Variants in CELF2 observed in about 807,000 individuals in gnomAD.
CELF2 encodes the protein CUGBP Elav-like family member 2.
A neutral mutation model predicts 62.6 loss-of-function variants in CELF2; 8 were observed. The ratio of observed to expected loss-of-function variants is 0.13; its 90% CI spans 0.07 to 0.23. The LOEUF is 0.23. CELF2 is among the 10% of genes least tolerant of loss of function. CELF2 has a pLI of 1.00. For missense variants in CELF2, 333 were observed against 671.0 expected (o/e 0.50, Z 5.56); for synonymous variants, 258 against 250.0 (o/e 1.03, Z -0.30).
Position 11,161,372 on chromosome 10 carries a change from G to A in CELF2, c.75-4114G>A, listed in dbSNP as rs539195906. 2.0e-5 allele frequency among the ~76,000 whole-genome samples: 3 copies of A among 152,332 alleles called. No individual in the cohort carries two copies. In the East Asian group the frequency reaches 5.8e-4, roughly 29 times the overall value. On this transcript the variant is annotated intron_variant, in intron 1 of 12. Coordinates refer to ENST00000633077, the MANE Select transcript of CELF2 (RefSeq NM_001326342.2). ...TTGCAGGCAAGGTGCCAGCAGAGAT[G>A]TGTGCGCATGTGTCTGGGGCCTGCG...
Position 11,117,521 on chromosome 10 carries a change from A to G in CELF2, c.75-47965A>G, listed in dbSNP as rs765556033. Among the ~76,000 whole-genome samples, 2 of 152,188 alleles carry G rather than the reference A, an allele frequency of 1.3e-5. No homozygotes were observed. The highest frequency in any genetic ancestry group is 2.9e-5 in the Non-Finnish European group (2 of 68,042). ...CTCTAGAGGCCACTCCTTTAGACCT[A>G]GGTCCATCTTGAGGTGTTGTTATAC... On this transcript the variant is annotated intron_variant, in intron 1 of 12. Coordinates refer to ENST00000633077, the MANE Select transcript of CELF2 (RefSeq NM_001326342.2). The surrounding 1 kb of genome is among the most constrained non-coding windows in gnomAD (Gnocchi z 4.1).
intron 1 of CELF2, among the ~76,000 whole-genome samples, chr10:11,162,156 G>A (rs541641216): frequency 6.6e-6 from 1 of 152,266 alleles, no homozygotes; most frequent in East Asian, 1.9e-4. Flanking sequence ...CATTTCAGCA[G>A]TGCCAGGAGA....
chr10:10,617,483 C>G, the CELF2 span, among the ~76,000 whole-genome samples: 4 of 152,118 alleles, frequency 2.6e-5, no homozygotes, highest in Admixed American at 2.6e-4. Context: ...AAGGATCCTT[C>G]AAGCTGGATT....
chr10:11,326,467 A>G lies in CELF2; in HGVS notation c.1438+488A>G, dbSNP rs748816407. Among the ~76,000 whole-genome samples, 82 of 152,332 alleles carry G rather than the reference A, an allele frequency of 5.4e-4. No individual in the cohort carries two copies. In the Middle Eastern group the frequency reaches 0.01, roughly 19 times the overall value. ...TCACGGTTACATAGCACGCTGCATG[A>G]TGAGATCTGAAGGGCCACCATCGGG... On this transcript the variant is annotated intron_variant, in intron 12 of 12. Coordinates refer to ENST00000633077, the MANE Select transcript of CELF2 (RefSeq NM_001326342.2).
the CELF2 span, among the ~76,000 whole-genome samples, chr10:10,713,564 C>T: frequency 7.2e-5 from 11 of 152,172 alleles, no homozygotes; most frequent in Admixed American, 2.0e-4. Context: ...TACGACCCTT[C>T]GGTGATTTTG....
the CELF2 span, among the ~76,000 whole-genome samples, chr10:10,612,504 T>G: frequency 1.3e-5 from 2 of 152,178 alleles, no homozygotes; most frequent in African/African-American, 4.8e-5. Context: ...TGAACCATTC[T>G]GATTAGCAGA....
chr10:11,185,484 G>A (rs528631790), intron 2 of CELF2, among the ~76,000 whole-genome samples: 14 of 152,052 alleles, frequency 9.2e-5, no homozygotes, highest in East Asian at 1.9e-4. Context: ...GCACGATCTC[G>A]GCTCCCCGCA....
chr10:10,599,725 C>CTTTTTT, the CELF2 span, among the ~76,000 whole-genome samples: 294 of 134,544 alleles, frequency 2.2e-3, 2 homozygotes, highest in African/African-American at 3.8e-3. Context: ...TTCTTTCTTT[C>CTTTTTT]TTTTTTTTTT....
intron 1 of CELF2, chr10:11,071,483 ACTTAT>A (rs1323788525): frequency 4.6e-5 from 7 of 152,304 alleles, no homozygotes; most frequent in African/African-American, 1.7e-4. Context: ...ACATTTCCTG[ACTTAT>A]CTTCGACACA....
chr10:10,619,084 T>C, the CELF2 span, among the ~76,000 whole-genome samples: 1 of 152,214 alleles, frequency 6.6e-6, no homozygotes, highest in Non-Finnish European at 1.5e-5. Flanking sequence ...GGAACTTCCA[T>C]GTTGAACATG....
the CELF2 span, among the ~76,000 whole-genome samples, chr10:10,488,770 G>A: frequency 3.0e-4 from 46 of 151,972 alleles, no homozygotes; most frequent in Non-Finnish European, 6.0e-4. Flanking sequence ...ATTTGACATA[G>A]CAAATTAACG....
the CELF2 span, among the ~76,000 whole-genome samples, chr10:10,556,710 T>C: frequency 6.6e-6 from 1 of 152,070 alleles, no homozygotes; most frequent in African/African-American, 2.4e-5. Context: ...TCCTGACTTT[T>C]TAATGATTGC....
the CELF2 span, among the ~76,000 whole-genome samples, chr10:10,481,168 T>A: frequency 2.6e-5 from 4 of 152,196 alleles, no homozygotes; most frequent in African/African-American, 9.6e-5. Context: ...TGTATCCTTA[T>A]AGAGACTTTC....
chr10:10,775,613 CA>C, the CELF2 span, among the ~76,000 whole-genome samples: 17,336 of 136,560 alleles, frequency 0.13, 1,187 homozygotes, highest in East Asian at 0.21. Flanking sequence ...GACTCTGTCT[CA>C]AAAAAAAAAA....
At chr10:10,991,874 C>G (rs745772126) in intron 2 of CELF2, among the ~76,000 whole-genome samples, 30 of 152,200 alleles carry the variant, frequency 2.0e-4, no homozygotes, top group Non-Finnish European at 2.5e-4. Context: ...CCATCCTACA[C>G]TCATCTATCA....
In CELF2 at chr10:11,075,998, A is replaced by G. The variant is rs1239606793; in HGVS notation, c.74+57835A>G. Among the ~76,000 whole-genome samples, 8 of 152,062 alleles carry G rather than the reference A, an allele frequency of 5.3e-5. No individual in the cohort carries two copies. The highest frequency in any genetic ancestry group is 1.0e-4 in the Non-Finnish European group (7 of 68,020). On this transcript the variant is annotated intron_variant, in intron 1 of 12. Transcript: ENST00000633077. The surrounding 1 kb of genome is among the most constrained non-coding windows in gnomAD (Gnocchi z 5.4). ...TATCAGCATACTTTTTTAGTGTGAG[A>G]AAATACCAATTAAGAACATTAGTTT... is the stretch of plus-strand genomic sequence containing the variant.
chr10:11,135,287 G>A (rs114238563), intron 1 of CELF2, among the ~76,000 whole-genome samples: 2,504 of 152,260 alleles, frequency 0.016, 63 homozygotes, highest in African/African-American at 0.057. Flanking sequence ...TATATGCAGC[G>A]TCTATATTAA....
At chr10:11,019,606 G>T (rs1035439567) in intron 1 of CELF2, among the ~76,000 whole-genome samples, 2 of 152,132 alleles carry the variant, frequency 1.3e-5, no homozygotes, top group Admixed American at 6.5e-5. Flanking sequence ...AAAAAGGAGG[G>T]GGGTGGAGGA....
At chr10:11,124,426 A>G (rs906217128) in intron 1 of CELF2, among the ~76,000 whole-genome samples, 1 of 152,176 alleles carries the variant, frequency 6.6e-6, no homozygotes, top group Non-Finnish European at 1.5e-5. Flanking sequence ...TGGAAATGGG[A>G]TGGGATAAAG....
Sources: gnomAD v4.1 joint callset for allele counts (sites outside exome capture counted in the v4.1 genomes callset) on GRCh38, gnomAD v4.1.1 for gene constraint, Gnocchi (gnomAD v3.1) non-coding constraint, MANE v1.5 for transcripts, NCBI Gene and HGNC (gene_info 2026-07-23, HGNC 2026-07-21) for gene names.